The following ST3GAL4 variants were observed in gnomAD, a reference collection of about 807,000 sequenced individuals.
ST3GAL4 encodes ST3 beta-galactoside alpha-2,3-sialyltransferase 4, also known as CMP-N-acetylneuraminate-beta-galactosamide-alpha-2,3-sialyltransferase 4.
ST3GAL4 carries 24 observed loss-of-function variants against 42.6 expected under a neutral mutation model. The ratio of observed to expected loss-of-function variants is 0.56; its 90% CI spans 0.41 to 0.79. The LOEUF (loss-of-function observed/expected upper bound fraction) is 0.79, where lower values mean the gene tolerates loss of function less well. Ranked by LOEUF, ST3GAL4 falls within the 30% of genes least tolerant of loss-of-function variation. ST3GAL4 has a pLI of 0.00. For synonymous variants in ST3GAL4, 135 were observed against 163.2 expected (o/e 0.83, Z 1.32); for missense variants, 311 against 430.8 (o/e 0.72, Z 2.46).
intron 1 of ST3GAL4, among the ~76,000 whole-genome samples, chr11:126,387,388 G>C (rs961520975): frequency 6.6e-6 from 1 of 152,012 alleles, no homozygotes; most frequent in Non-Finnish European, 1.5e-5. Flanking sequence ...GTTTGAAAAA[G>C]GTAAGCAGGC....
In ST3GAL4 at chr11:126,410,602, T is replaced by A. The variant is rs1048984378; in HGVS notation, c.771+1191T>A. On this transcript the variant is annotated intron_variant, in intron 9 of 10. Transcript: ENST00000444328. The surrounding 1 kb of genome is among the most constrained non-coding windows in gnomAD (Gnocchi z 5.3). Reference sequence around the variant, plus strand: ...TACACAGGGCCTGCCCTTTAAATATTTGCCAGATTTTGAATAAATGATTTT... The same window carrying A: ...TACACAGGGCCTGCCCTTTAAATATATGCCAGATTTTGAATAAATGATTTT... 1.3e-5 allele frequency among the ~76,000 whole-genome samples: 2 copies of A among 152,234 alleles called. No individual in the cohort carries two copies. The highest frequency in any genetic ancestry group is 4.8e-5 in the African/African-American group (2 of 41,460).
At chr11:126,382,141 G>A (rs1953028633) in intron 1 of ST3GAL4, among the ~76,000 whole-genome samples, 1 of 151,658 alleles carries the variant, frequency 6.6e-6, no homozygotes, top group African/African-American at 2.4e-5. Context: ...TCTCTTTGGG[G>A]CACAGCTGGA....
intron 1 of ST3GAL4, among the ~76,000 whole-genome samples, chr11:126,399,573 C>T (rs903067504): frequency 1.3e-5 from 2 of 152,172 alleles, no homozygotes; most frequent in Admixed American, 6.5e-5. Flanking sequence ...TCCCAAAGTG[C>T]TAGGATTACA....
rs1291600945 is a variant in ST3GAL4, at chr11:126,409,254, C to T, written c.628-14C>T. On this transcript the variant is annotated splice_polypyrimidine_tract_variant and intron_variant, in intron 8 of 10. Transcript: ENST00000444328. This position sits in a 1 kb window ranked among gnomAD's most constrained non-coding sequence, Gnocchi z 4.9. ...ACCCGCTTCTGTCTCTCTCTTCTGA[C>T]CCCATCCTCCTAGGTGCGAAAGGGT... 6.2e-7 allele frequency: 1 copy of T among 1,613,738 alleles called. No homozygotes were observed. The highest frequency in any genetic ancestry group is 2.2e-5 in the East Asian group (1 of 44,876).
rs1952040275 is a variant in ST3GAL4, at chr11:126,355,818, G to T, written c.-85G>T. The T allele has an allele frequency of 6.6e-6, 1 of 150,558 alleles. No individual in the cohort carries two copies. The highest frequency in any genetic ancestry group is 2.4e-5 in the African/African-American group (1 of 41,244). 9.3% of individuals were successfully genotyped at this position (150,558 alleles called of 1,614,324 possible). A position where few individuals can be genotyped will look rare whatever the true frequency, so the allele number is the denominator to read the frequency against. On this transcript the variant is annotated 5_prime_UTR_variant, in exon 1 of 11. Coordinates refer to ENST00000444328, the MANE Select transcript of ST3GAL4 (RefSeq NM_001254757.2). This position sits in a 1 kb window ranked among gnomAD's most constrained non-coding sequence, Gnocchi z 7.1. The stretch of plus-strand genomic sequence containing the variant: ...TCGGAGCTGCGCGCGGAACCGTGCT[G>T]CCCCGCCCCGCTCCACCCGTGAGGG...
At chr11:126,408,991 G>A (rs1332065028) in intron 8 of ST3GAL4, among the ~76,000 whole-genome samples, 1 of 152,208 alleles carries the variant, frequency 6.6e-6, no homozygotes, top group African/African-American at 2.4e-5. Flanking sequence ...TTCTACCTGT[G>A]TGGATGTTCT....
At chr11:126,388,126 C>A (rs1422872665) in intron 1 of ST3GAL4, among the ~76,000 whole-genome samples, 3 of 152,210 alleles carry the variant, frequency 2.0e-5, no homozygotes, top group Non-Finnish European at 4.4e-5. Context: ...GGGCCAAATT[C>A]CCTCTGAGAG....
In ST3GAL4 at chr11:126,406,289, T is replaced by G; in HGVS notation, c.16+118T>G. The stretch of plus-strand genomic sequence containing the variant: ...ACAGACAGGGAGCCAGGGGCCCTTC[T>G]CTTCATCTTGAAGGACAGTGGGTAC... On this transcript the variant is annotated intron_variant, in intron 2 of 10. Transcript: ENST00000444328. This position sits in a 1 kb window ranked among gnomAD's most constrained non-coding sequence, Gnocchi z 5.4. The G allele has an allele frequency of 1.9e-6, 3 of 1,545,172 alleles. No individual in the cohort carries two copies. Among genetic ancestry groups the G allele is most frequent in the Non-Finnish European group, 2.6e-6 (3 of 1,144,542 alleles).
chr11:126,395,940 C>G (rs967458683), intron 1 of ST3GAL4, among the ~76,000 whole-genome samples: 1 of 152,138 alleles, frequency 6.6e-6, no homozygotes, highest in Non-Finnish European at 1.5e-5. Flanking sequence ...ACATGTGTCT[C>G]TGTGCATCAG....
At chr11:126,374,327 C>G (rs1261503129) in intron 1 of ST3GAL4, among the ~76,000 whole-genome samples, 1 of 151,894 alleles carries the variant, frequency 6.6e-6, no homozygotes, top group Non-Finnish European at 1.5e-5. Flanking sequence ...TGGTGCATGC[C>G]TGAAATCCCA....
In ST3GAL4 at chr11:126,398,705, C is replaced by T. The variant is rs1953881141; in HGVS notation, c.-60-7391C>T. Among the ~76,000 whole-genome samples, 2 of 152,230 alleles carry T rather than the reference C, an allele frequency of 1.3e-5. No individual in the cohort carries two copies. Among genetic ancestry groups the T allele is most frequent in the Admixed American group, 6.5e-5 (1 of 15,284 alleles). Reference sequence around the variant, plus strand: ...TGGGTCCCGAGTCTGTCCGCAATATCCTTTGAAATCTAGTTGGAGGGAGCC... The same window carrying T: ...TGGGTCCCGAGTCTGTCCGCAATATTCTTTGAAATCTAGTTGGAGGGAGCC... On this transcript the variant is annotated intron_variant, in intron 1 of 10. Transcript: ENST00000444328. The surrounding 1 kb of genome is among the most constrained non-coding windows in gnomAD (Gnocchi z 4.7).
In ST3GAL4 at chr11:126,355,942, C is replaced by G. The variant is rs1296702677; in HGVS notation, c.-61+100C>G. 1.3e-5 allele frequency: 2 copies of G among 150,916 alleles called. No homozygotes were observed. Among genetic ancestry groups the G allele is most frequent in the African/African-American group, 4.8e-5 (2 of 41,316 alleles). The allele number at this position is 150,916 out of a possible 1,614,324, so 9.3% of individuals were successfully genotyped here. A position where few individuals can be genotyped will look rare whatever the true frequency, so the allele number is the denominator to read the frequency against. On this transcript the variant is annotated intron_variant, in intron 1 of 10. Coordinates refer to ENST00000444328, the MANE Select transcript of ST3GAL4 (RefSeq NM_001254757.2). This position sits in a 1 kb window ranked among gnomAD's most constrained non-coding sequence, Gnocchi z 7.1. ...TGACCCCAGCCGGCGCCGCGCCTCC[C>G]GGAGGGGGTCGGGCCCTGCACGTGG...
At chr11:126,380,351 G>A (rs1044516658) in intron 1 of ST3GAL4, among the ~76,000 whole-genome samples, 13 of 152,020 alleles carry the variant, frequency 8.6e-5, no homozygotes, top group African/African-American at 3.1e-4. Flanking sequence ...CCTTCACCTG[G>A]TGGGATATAC....
chr11:126,410,829 C>T lies in ST3GAL4; in HGVS notation c.771+1418C>T, dbSNP rs923625399. 1.3e-5 allele frequency among the ~76,000 whole-genome samples: 2 copies of T among 152,068 alleles called. No individual in the cohort carries two copies. The highest frequency in any genetic ancestry group is 1.3e-4 in the Admixed American group (2 of 15,262). On this transcript the variant is annotated intron_variant, in intron 9 of 10. Coordinates refer to ENST00000444328, the MANE Select transcript of ST3GAL4 (RefSeq NM_001254757.2). This position sits in a 1 kb window ranked among gnomAD's most constrained non-coding sequence, Gnocchi z 5.3. ...CACAATGGAGAGTTGTTCCCAATGC[C>T]GTGGAATCTCAGAGGAGGGGCAGAC...
At position 126,400,622 on chromosome 11, in the gene ST3GAL4, C is replaced by T. The variant is rs559378309; in HGVS notation, c.-60-5474C>T. ...GGACCTTGGCTTCATGTAAGGAGTG[C>T]GGAGTGAGTGAAGCAAGAGGGTGAT... On this transcript the variant is annotated intron_variant, in intron 1 of 10. Transcript: ENST00000444328. This position sits in a 1 kb window ranked among gnomAD's most constrained non-coding sequence, Gnocchi z 4.6. 1.6e-4 allele frequency among the ~76,000 whole-genome samples: 25 copies of T among 152,010 alleles called. No individual in the cohort carries two copies. The highest frequency in any genetic ancestry group is 2.5e-4 in the Non-Finnish European group (17 of 68,012).
chr11:126,367,092 A>T (rs1459981817), intron 1 of ST3GAL4, among the ~76,000 whole-genome samples: 1 of 152,098 alleles, frequency 6.6e-6, no homozygotes, highest in African/African-American at 2.4e-5. Context: ...ACCGCTCATG[A>T]CAGGAGGCTG....
chr11:126,365,552 T>G (rs1952393487), intron 1 of ST3GAL4, among the ~76,000 whole-genome samples: 1 of 152,198 alleles, frequency 6.6e-6, no homozygotes, highest in Non-Finnish European at 1.5e-5. Context: ...AGCCCAGACC[T>G]GTTGAACCAG....
chr11:126,406,595 C>T lies in ST3GAL4; in HGVS notation c.101+38C>T. 3.1e-6 allele frequency: 5 copies of T among 1,613,732 alleles called. No homozygotes were observed. Among genetic ancestry groups the T allele is most frequent in the Non-Finnish European group, 4.2e-6 (5 of 1,179,856 alleles). On this transcript the variant is annotated intron_variant, in intron 3 of 10. Transcript: ENST00000444328. This position sits in a 1 kb window ranked among gnomAD's most constrained non-coding sequence, Gnocchi z 5.4. ...TCCATGTCCTTCCAGTGGCTCTTGT[C>T]AGGGACAGGGCTTAGGGATGGAGCA...
intron 1 of ST3GAL4, among the ~76,000 whole-genome samples, chr11:126,364,003 A>C (rs1391759433): frequency 6.6e-6 from 1 of 152,182 alleles, no homozygotes; most frequent in Non-Finnish European, 1.5e-5. Flanking sequence ...GGTTCCACAC[A>C]GTGGAGACTG....
Sources: gnomAD v4.1 joint callset for allele counts (sites outside exome capture counted in the v4.1 genomes callset) on GRCh38, gnomAD v4.1.1 for gene constraint, Gnocchi (gnomAD v3.1) non-coding constraint, MANE v1.5 for transcripts, NCBI Gene and HGNC (gene_info 2026-07-23, HGNC 2026-07-21) for gene names.